Variants in FSTL5 observed in about 807,000 individuals in gnomAD.
The protein encoded by FSTL5 is follistatin like 5.
A neutral mutation model predicts 89.1 loss-of-function variants in FSTL5; 62 were observed. That is an observed-to-expected ratio of 0.70 (90% confidence interval 0.57 to 0.86). FSTL5 has a LOEUF of 0.86. Among genes scored for constraint, FSTL5 ranks in the 40% least tolerant of loss-of-function variants. The pLI is 0.00. For missense variants in FSTL5, 1,057 were observed against 1,001.6 expected (o/e 1.06, Z -0.75); for synonymous variants, 383 against 346.2 (o/e 1.11, Z -1.18).
intron 15 of FSTL5, among the ~76,000 whole-genome samples, chr4:161,391,692 C>T (rs558708757): frequency 1.7e-3 from 260 of 152,198 alleles, no homozygotes; most frequent in African/African-American, 6.0e-3. Context: ...GTAAAACATA[C>T]CTGTTTATAA....
chr4:161,525,185 C>T (rs1407982165), intron 10 of FSTL5, among the ~76,000 whole-genome samples: 1 of 152,122 alleles, frequency 6.6e-6, no homozygotes, highest in African/African-American at 2.4e-5. Context: ...TCTACCTGCA[C>T]TCAACTTTCT....
chr4:161,885,630 G>T (rs536158242), intron 4 of FSTL5, among the ~76,000 whole-genome samples: 1 of 151,964 alleles, frequency 6.6e-6, no homozygotes, highest in African/African-American at 2.4e-5. Context: ...TATTATTTTA[G>T]TAGAGACAGG....
chr4:161,636,601 A>AT (rs1169582663), intron 7 of FSTL5, among the ~76,000 whole-genome samples: 4 of 149,678 alleles, frequency 2.7e-5, no homozygotes, highest in Non-Finnish European at 4.4e-5. Flanking sequence ...TCCCAATGCT[A>AT]TCCCTCCCCC....
At position 161,522,555 on chromosome 4, in the gene FSTL5, C is replaced by T. The variant is rs73859237; in HGVS notation, c.1313-12131G>A. 7.0e-3 allele frequency among the ~76,000 whole-genome samples: 1,057 copies of T among 151,270 alleles called. 9 individuals carry two copies. The highest frequency in any genetic ancestry group is 0.023 in the African/African-American group (940 of 41,360). On this transcript the variant is annotated intron_variant, in intron 10 of 15. Coordinates refer to ENST00000306100, the MANE Select transcript of FSTL5 (RefSeq NM_020116.5). ...GCTAATATATATAACTAATAAAATA[C>T]ATATTACATACATATATAATTTTTT...
In FSTL5 at chr4:161,626,895, G is replaced by A. The variant is rs557621776; in HGVS notation, c.894+29433C>T. Among the ~76,000 whole-genome samples, 5 of 152,308 alleles carry A rather than the reference G, an allele frequency of 3.3e-5. No individual in the cohort carries two copies. The East Asian group carries it at 9.6e-4, about 29-fold the overall frequency. ...GCAAATAGCAAAACTAGAATGAGAA[G>A]TGGAGCCTGAAGATGTGAATGAGTT... On this transcript the variant is annotated intron_variant, in intron 7 of 15. Transcript: ENST00000306100.
intron 6 of FSTL5, among the ~76,000 whole-genome samples, chr4:161,731,188 G>A (rs1046906089): frequency 3.3e-5 from 5 of 152,162 alleles, no homozygotes; most frequent in African/African-American, 1.2e-4. Flanking sequence ...ACATATCCAC[G>A]AAATGTCACA....
At chr4:161,817,909 G>A (rs1730376513) in intron 4 of FSTL5, among the ~76,000 whole-genome samples, 1 of 152,188 alleles carries the variant, frequency 6.6e-6, no homozygotes, top group Non-Finnish European at 1.5e-5. Flanking sequence ...AGTTGGGAGG[G>A]AAAGGGAAGT....
Position 161,531,677 on chromosome 4 carries a change from A to G in FSTL5, c.1312+6489T>C, listed in dbSNP as rs1731415634. ...ATTTATTTAAAGTATCTTAATATAT[A>G]CACTAAATAATAAAAGGTATACTCA... On this transcript the variant is annotated intron_variant, in intron 10 of 15. Transcript: ENST00000306100. Among the ~76,000 whole-genome samples, 6 of 152,304 alleles carry G rather than the reference A, an allele frequency of 3.9e-5. No individual in the cohort carries two copies. In the South Asian group the frequency reaches 1.2e-3, roughly 32 times the overall value.
intron 15 of FSTL5, among the ~76,000 whole-genome samples, chr4:161,422,184 G>A (rs1732013837): frequency 6.6e-6 from 1 of 151,918 alleles, no homozygotes; most frequent in Admixed American, 6.6e-5. Context: ...GACTAATATA[G>A]TTGGCATTAC....
chr4:161,811,756 G>A (rs761855975), intron 4 of FSTL5, among the ~76,000 whole-genome samples: 13 of 152,024 alleles, frequency 8.6e-5, no homozygotes, highest in African/African-American at 1.7e-4. Flanking sequence ...AATTTTATGC[G>A]CAATAATTCA....
At chr4:161,815,945 A>C (rs359142) in intron 4 of FSTL5, among the ~76,000 whole-genome samples, 29,780 of 152,190 alleles carry the variant, frequency 0.2, 2,999 homozygotes, top group East Asian at 0.3. Context: ...CCAAAATTTA[A>C]AAATAAAAAA....
intron 3 of FSTL5, among the ~76,000 whole-genome samples, chr4:162,013,532 T>G (rs2111136654): frequency 6.6e-6 from 1 of 152,204 alleles, no homozygotes; most frequent in Admixed American, 6.5e-5. Flanking sequence ...AAAGCAGGAG[T>G]TCTCTGAGAG....
chr4:162,006,702 C>A (rs1416546293), intron 3 of FSTL5, among the ~76,000 whole-genome samples: 2 of 151,736 alleles, frequency 1.3e-5, no homozygotes, highest in Non-Finnish European at 2.9e-5. Flanking sequence ...TTTTATTTTG[C>A]CTCATTTGTA....
At chr4:161,840,836 G>A (rs1016230242) in intron 4 of FSTL5, among the ~76,000 whole-genome samples, 8 of 152,058 alleles carry the variant, frequency 5.3e-5, no homozygotes, top group African/African-American at 1.7e-4. Context: ...CTGCCTTTTC[G>A]TCTGACTTCT....
intron 6 of FSTL5, among the ~76,000 whole-genome samples, chr4:161,695,663 T>G (rs892911009): frequency 6.6e-6 from 1 of 151,888 alleles, no homozygotes; most frequent in Non-Finnish European, 1.5e-5. Flanking sequence ...CTTGCAGGAG[T>G]TAGGTGGTAT....
At chr4:161,560,451 CTT>C (rs1732554954) in intron 8 of FSTL5, among the ~76,000 whole-genome samples, 1 of 151,836 alleles carries the variant, frequency 6.6e-6, no homozygotes, top group African/African-American at 2.4e-5. Flanking sequence ...CTTACTGTAA[CTT>C]TGTTACTTTT....
intron 3 of FSTL5, among the ~76,000 whole-genome samples, chr4:161,973,989 G>T (rs1735559757): frequency 6.6e-6 from 1 of 152,058 alleles, no homozygotes; most frequent in African/African-American, 2.4e-5. Context: ...GCCAAATCAT[G>T]AGTGAACTCC....
intron 4 of FSTL5, among the ~76,000 whole-genome samples, chr4:161,776,356 C>T (rs1257438455): frequency 6.6e-6 from 1 of 151,910 alleles, no homozygotes; most frequent in Non-Finnish European, 1.5e-5. Flanking sequence ...ATGATAGCTC[C>T]AGCTGGAAAT....
chr4:161,840,047 G>C (rs930780352), intron 4 of FSTL5, among the ~76,000 whole-genome samples: 1 of 152,168 alleles, frequency 6.6e-6, no homozygotes, highest in Admixed American at 6.6e-5. Flanking sequence ...CAAAAGCCAG[G>C]AGATTATAGA....
Sources: gnomAD v4.1 joint callset for allele counts (sites outside exome capture counted in the v4.1 genomes callset) on GRCh38, gnomAD v4.1.1 for gene constraint, MANE v1.5 for transcripts, NCBI Gene and HGNC (gene_info 2026-07-23, HGNC 2026-07-21) for gene names.